The following NT5M variants were observed in gnomAD, a reference collection of about 807,000 sequenced individuals.
NT5M encodes 5',3'-nucleotidase, mitochondrial.
Under a neutral mutation model 22.2 loss-of-function variants are expected in NT5M, and 22 were observed. The ratio of observed to expected loss-of-function variants is 0.99; its 90% CI spans 0.71 to 1.41. The LOEUF is 1.41. NT5M is among the 40% of genes most tolerant of loss of function. The pLI is 0.00. For missense variants in NT5M, 322 were observed against 314.8 expected (o/e 1.02, Z -0.17); for synonymous variants, 167 against 133.0 (o/e 1.26, Z -1.76).
chr17:17,316,520 C>T (rs1019454541), intron 2 of NT5M, among the ~76,000 whole-genome samples: 2 of 149,634 alleles, frequency 1.3e-5, no homozygotes, highest in East Asian at 2.0e-4. Flanking sequence ...GGATTACAGG[C>T]GCCCGCCACC....
intron 4 of NT5M, among the ~76,000 whole-genome samples, chr17:17,345,634 CAAA>C (rs34513135): frequency 3.0e-5 from 3 of 98,610 alleles, no homozygotes; most frequent in Non-Finnish European, 2.0e-5. Context: ...CCTGTCTCTA[CAAA>C]AAAAAAAAAA....
At chr17:17,340,843 C>G (rs1013228844) in intron 3 of NT5M, among the ~76,000 whole-genome samples, 4 of 151,992 alleles carry the variant, frequency 2.6e-5, no homozygotes, top group Admixed American at 6.6e-5. Flanking sequence ...TTTTCTGTTT[C>G]TTTAGGATGC....
At chr17:17,344,664 G>C (rs2049719761) in intron 3 of NT5M, 130 bp from the exon 4 acceptor site, 7 of 1,107,038 alleles carry the variant, frequency 6.3e-6, no homozygotes, top group Non-Finnish European at 9.1e-6. Flanking sequence ...GCTGGGCCTT[G>C]GTGTCAGGCC....
intron 2 of NT5M, among the ~76,000 whole-genome samples, chr17:17,308,124 C>T (rs2048846849): frequency 1.3e-5 from 2 of 152,182 alleles, no homozygotes; most frequent in African/African-American, 4.8e-5. Flanking sequence ...CAGCGGGAAA[C>T]TTCATTTAGA....
intron 3 of NT5M, among the ~76,000 whole-genome samples, chr17:17,338,790 G>A (rs1395520380): frequency 2.8e-5 from 4 of 140,618 alleles, no homozygotes; most frequent in South Asian, 2.4e-4. Flanking sequence ...GCAGTGGCGC[G>A]ATCTCGGCTC....
chr17:17,312,230 C>T (rs574333834), intron 2 of NT5M, among the ~76,000 whole-genome samples: 32 of 152,342 alleles, frequency 2.1e-4, no homozygotes, highest in African/African-American at 5.8e-4. Context: ...TAAGCCACCA[C>T]GGTATGGGAA....
chr17:17,344,931 G>A, intron 4 of NT5M, 23 bp downstream of exon 4: 1 of 1,613,832 alleles, frequency 6.2e-7, no homozygotes, highest in Non-Finnish European at 8.5e-7. Context: ...CGACAGGTGA[G>A]GAGCACGTGG....
In NT5M at chr17:17,303,644, G is replaced by T; in HGVS notation, c.94G>T (p.Gly32Ter). The change falls in exon 1 of 5, where the codon GGA becomes TGA. Residue 32 changes from glycine (G) to a stop codon, truncating the protein, a stop_gained. Coordinates refer to ENST00000389022, the MANE Select transcript of NT5M (RefSeq NM_020201.4). LOFTEE classifies it high-confidence loss of function. ...GGCGGCGGGCGGGCTGGGCCTGGCGGGAGGCCGCGCCCTACGGGTGCTGGT... is the reference window on the plus strand; with the variant it reads ...GGCGGCGGGCGGGCTGGGCCTGGCGTGAGGCCGCGCCCTACGGGTGCTGGT... ...RGAAGGLGLA[G>*]GRALRVLVDM... 6.8e-7 allele frequency: 1 copy of T among 1,462,390 alleles called. No homozygotes were observed. The allele number at this position is 1,462,390 out of a possible 1,614,324, so 90.6% of individuals were successfully genotyped here. A position where few individuals can be genotyped will look rare whatever the true frequency, so the allele number is the denominator to read the frequency against.
chr17:17,330,742 CTTTTTT>C (rs58633073), intron 3 of NT5M, among the ~76,000 whole-genome samples: 1 of 118,720 alleles, frequency 8.4e-6, no homozygotes, highest in Non-Finnish European at 1.7e-5. Flanking sequence ...TTCTTTCTTT[CTTTTTT>C]TTTTTTTTTT....
intron 2 of NT5M, among the ~76,000 whole-genome samples, chr17:17,309,902 G>A (rs1421193543): frequency 6.7e-6 from 1 of 149,236 alleles, no homozygotes; most frequent in Non-Finnish European, 1.5e-5. Flanking sequence ...TTGGCTCACT[G>A]CAACCTCTGC....
chr17:17,321,366 A>G (rs531198290), intron 2 of NT5M, among the ~76,000 whole-genome samples: 4 of 152,056 alleles, frequency 2.6e-5, no homozygotes, highest in Admixed American at 6.5e-5. Flanking sequence ...TGTGAAGGGC[A>G]GAGGGGGAGG....
intron 3 of NT5M, among the ~76,000 whole-genome samples, chr17:17,336,594 A>G (rs1293371890): frequency 7.0e-6 from 1 of 143,580 alleles, no homozygotes; most frequent in Non-Finnish European, 1.5e-5. Flanking sequence ...TCTGTCACCC[A>G]GGCTTGAGTG....
At chr17:17,309,149 G>T in intron 2 of NT5M, among the ~76,000 whole-genome samples, 1 of 149,246 alleles carries the variant, frequency 6.7e-6, no homozygotes, top group African/African-American at 2.5e-5. Context: ...TTTGAGACAG[G>T]GTCTTGCCCT....
intron 3 of NT5M, among the ~76,000 whole-genome samples, chr17:17,329,965 C>T (rs1343184696): frequency 6.6e-6 from 1 of 151,934 alleles, no homozygotes; most frequent in East Asian, 1.9e-4. Context: ...GAGTAATTCC[C>T]TGTCTCAAAA....
intron 3 of NT5M, among the ~76,000 whole-genome samples, chr17:17,331,306 T>C (rs1051057997): frequency 6.6e-6 from 1 of 151,466 alleles, no homozygotes; most frequent in Non-Finnish European, 1.5e-5. Flanking sequence ...ATTTTAAAAA[T>C]TGTTCATGCT....
At chr17:17,326,929 G>A (rs896807488) in intron 3 of NT5M, among the ~76,000 whole-genome samples, 1 of 152,074 alleles carries the variant, frequency 6.6e-6, no homozygotes, top group African/African-American at 2.4e-5. Flanking sequence ...GGGGAGTAGG[G>A]GAGACAGGGT....
chr17:17,324,470 C>T (rs1205513820), intron 3 of NT5M, among the ~76,000 whole-genome samples: 10 of 145,876 alleles, frequency 6.9e-5, no homozygotes, highest in Non-Finnish European at 1.3e-4. Flanking sequence ...GGTGACAGAG[C>T]GAGACTGTCC....
chr17:17,303,478 G>T lies in NT5M; in HGVS notation c.-73G>T. 9.8e-7 allele frequency: 1 copy of T among 1,015,620 alleles called. No homozygotes were observed. 62.9% of individuals were successfully genotyped at this position (1,015,620 alleles called of 1,614,324 possible). A position where few individuals can be genotyped will look rare whatever the true frequency, so the allele number is the denominator to read the frequency against. On this transcript the variant is annotated 5_prime_UTR_variant, in exon 1 of 5. Coordinates refer to ENST00000389022, the MANE Select transcript of NT5M (RefSeq NM_020201.4). ...GTTGGGGGCTTCTCCTCCGCGGCGG[G>T]AATGTCTGGCCGGCTCCGGCAGCAC...
chr17:17,311,133 G>A (rs993047898), intron 2 of NT5M, among the ~76,000 whole-genome samples: 3 of 152,084 alleles, frequency 2.0e-5, no homozygotes, highest in South Asian at 2.1e-4. Flanking sequence ...TCAGGAGATC[G>A]AGACCATCCT....
Sources: gnomAD v4.1 joint callset for allele counts (sites outside exome capture counted in the v4.1 genomes callset) on GRCh38, gnomAD v4.1.1 for gene constraint, MANE v1.5 for transcripts, NCBI Gene and HGNC (gene_info 2026-07-23, HGNC 2026-07-21) for gene names.